LRRK2: variants seen among roughly 807,000 people sequenced by gnomAD.
LRRK2 encodes the protein leucine-rich repeat serine/threonine-protein kinase 2.
In LRRK2, 203 loss-of-function variants were observed where a neutral mutation model predicts 302.6. The observed-to-expected ratio is 0.67, with a 90% confidence interval of 0.60 to 0.75. The LOEUF is 0.75. Ranked by LOEUF, LRRK2 falls within the 30% of genes least tolerant of loss-of-function variation. LRRK2 has a pLI of 0.00. For missense variants in LRRK2, 2,830 were observed against 2,951.0 expected, an observed-to-expected ratio of 0.96 and a Z score of 0.95; for synonymous variants, 1,066 against 1,031.9, an observed-to-expected ratio of 1.03 and a Z score of -0.63.
chr12:40,317,432 C>A (rs1368938214), intron 33 of LRRK2, among the ~76,000 whole-genome samples: 3 of 152,042 alleles, frequency 2.0e-5, no homozygotes, highest in Non-Finnish European at 4.4e-5. Context: ...TAGGAGTATT[C>A]ACCTTCATGA....
chr12:40,248,335 C>A (rs1942100561), intron 7 of LRRK2, among the ~76,000 whole-genome samples: 1 of 152,104 alleles, frequency 6.6e-6, no homozygotes. Context: ...TCTAGAACAG[C>A]ACATTAAAGT....
At chr12:40,364,235 T>A (rs1946804926) in intron 48 of LRRK2, among the ~76,000 whole-genome samples, 1 of 152,018 alleles carries the variant, frequency 6.6e-6, no homozygotes, top group Non-Finnish European at 1.5e-5. Flanking sequence ...TTTCCTGTCT[T>A]AGATTCATCT....
intron 14 of LRRK2, among the ~76,000 whole-genome samples, chr12:40,266,707 G>A (rs1196651015): frequency 6.6e-6 from 1 of 152,126 alleles, no homozygotes; most frequent in Non-Finnish European, 1.5e-5. Flanking sequence ...GCACACCTAT[G>A]TTTATTGTGG....
At position 40,259,470 on chromosome 12, in the gene LRRK2, A is replaced by G. The variant is rs753212041; in HGVS notation, c.1419-10A>G. On this transcript the variant is annotated splice_polypyrimidine_tract_variant and intron_variant, in intron 12 of 50. Transcript: ENST00000298910. ...GTCTTTCAATAAGCATGCCAATTTT[A>G]TATCCCCAGCAACACTTCCCTGGAT... The G allele has an allele frequency of 1.9e-6, 3 of 1,612,978 alleles. No homozygotes were observed. The highest frequency in any genetic ancestry group is 2.5e-6 in the Non-Finnish European group (3 of 1,179,204).
In LRRK2 at chr12:40,310,461, G is replaced by C. The variant is rs111501952; in HGVS notation, c.4348G>C (p.Val1450Leu). ...CGCTTCTTCTTCCCCTGTGATTCTCGTTGGCACACATTTGGATGTTTCTGA... is the reference window on the plus strand; with the variant it reads ...CGCTTCTTCTTCCCCTGTGATTCTCCTTGGCACACATTTGGATGTTTCTGA... Reference protein sequence around the residue: ...ARASSSPVILVGTHLDVSDEK... With the variant: ...ARASSSPVILLGTHLDVSDEK... The change falls in exon 31 of 51, where the codon GTT (valine) becomes CTT (leucine). Residue 1450 changes from valine to leucine, a missense_variant. Val to Leu is a conservative substitution (Grantham distance 32, BLOSUM62 1). This residue lies in a region of LRRK2 where 2,121 missense variants were observed against 2,148.0 expected (regional missense o/e 0.99). Transcript: ENST00000298910. 1 of 1,612,826 alleles carries C rather than the reference G, an allele frequency of 6.2e-7. No homozygotes were observed. Among genetic ancestry groups the C allele is most frequent in the Non-Finnish European group, 8.5e-7 (1 of 1,179,706 alleles).
intron 30 of LRRK2, 56 bp downstream of exon 30, chr12:40,309,289 T>G: frequency 6.4e-7 from 1 of 1,553,684 alleles, no homozygotes; most frequent in East Asian, 2.3e-5. Context: ...TGTGTGCGTG[T>G]GTGTGTGTGT....
chr12:40,262,769 G>A (rs1942832611), intron 13 of LRRK2, among the ~76,000 whole-genome samples: 1 of 152,182 alleles, frequency 6.6e-6, no homozygotes, highest in Non-Finnish European at 1.5e-5. Flanking sequence ...ACTCAGGCCA[G>A]TTTTAGTGGT....
intron 3 of LRRK2, among the ~76,000 whole-genome samples, chr12:40,234,351 A>G (rs1449432263): frequency 1.7e-5 from 2 of 116,386 alleles, no homozygotes; most frequent in Non-Finnish European, 3.5e-5. Context: ...ACTAAACATT[A>G]TTGATATGCT....
chr12:40,232,396 G>C lies in LRRK2; in HGVS notation c.347+13G>C. 2 of 1,586,880 alleles carry C rather than the reference G, an allele frequency of 1.3e-6. No homozygotes were observed. Among genetic ancestry groups the C allele is most frequent in the Non-Finnish European group, 1.7e-6 (2 of 1,155,172 alleles). ...TTGGTGTTCACCAGTAAGTATGATA[G>C]ATATGTAAAACAAATGGCCTTGAGT... On this transcript the variant is annotated intron_variant, in intron 3 of 50. Transcript: ENST00000298910.
intron 29 of LRRK2, 76 bp downstream of exon 29, chr12:40,308,772 G>C (rs78493417): frequency 8.1e-5 from 109 of 1,340,858 alleles, no homozygotes; most frequent in Non-Finnish European, 1.1e-4. Flanking sequence ...TGAGCTTTCT[G>C]TTCTAATATC....
intron 18 of LRRK2, among the ~76,000 whole-genome samples, chr12:40,282,045 CT>C: frequency 2.4e-4 from 7 of 29,488 alleles, no homozygotes; most frequent in Non-Finnish European, 3.9e-4. Context: ...CTTCCCTTCC[CT>C]TCCCTTCCCT....
At chr12:40,274,258 G>T (rs572101539) in intron 14 of LRRK2, among the ~76,000 whole-genome samples, 11 of 152,274 alleles carry the variant, frequency 7.2e-5, no homozygotes, top group African/African-American at 2.6e-4. Flanking sequence ...TAGACTTTGA[G>T]AATAGTTCTC....
intron 28 of LRRK2, among the ~76,000 whole-genome samples, chr12:40,306,815 C>A (rs1944841908): frequency 6.6e-6 from 1 of 152,128 alleles, no homozygotes; most frequent in Admixed American, 6.6e-5. Flanking sequence ...TATTTAACTT[C>A]ATCTGTTTTT....
chr12:40,299,395 G>A (rs979757946), intron 25 of LRRK2, 138 bp downstream of exon 25: 34 of 953,346 alleles, frequency 3.6e-5, no homozygotes, highest in Non-Finnish European at 4.9e-5. Flanking sequence ...AATAAAATTA[G>A]CAGGTTGGCA....
intron 8 of LRRK2, among the ~76,000 whole-genome samples, chr12:40,250,401 T>A (rs2723262): frequency 0.97 from 147,680 of 152,232 alleles, 71,781 homozygotes; most frequent in Middle Eastern, 1. Flanking sequence ...GAGGCAGGAG[T>A]ATCGCTTGGA....
chr12:40,344,008 T>C (rs757375523), intron 41 of LRRK2, among the ~76,000 whole-genome samples: 1 of 152,184 alleles, frequency 6.6e-6, no homozygotes, highest in Non-Finnish European at 1.5e-5. Context: ...AGGAGAAGAT[T>C]AGAAGTTTAA....
intron 43 of LRRK2, among the ~76,000 whole-genome samples, chr12:40,349,836 C>T (rs1946301314): frequency 6.6e-6 from 1 of 152,210 alleles, no homozygotes; most frequent in South Asian, 2.1e-4. Flanking sequence ...CATGAATTCT[C>T]TCTGTTTACT....
intron 43 of LRRK2, among the ~76,000 whole-genome samples, chr12:40,351,027 C>T (rs1208106324): frequency 6.6e-6 from 1 of 152,132 alleles, no homozygotes; most frequent in African/African-American, 2.4e-5. Flanking sequence ...CATGTCACAG[C>T]TCTAATCCCA....
At chr12:40,231,390 C>CAAA (rs10631840) in intron 2 of LRRK2, among the ~76,000 whole-genome samples, 79,773 of 106,608 alleles carry the variant, frequency 0.75, 31,016 homozygotes, top group Non-Finnish European at 0.83. Flanking sequence ...CCTGTCTTCA[C>CAAA]AAAAAAAAAA....
Sources: gnomAD v4.1 joint callset for allele counts (sites outside exome capture counted in the v4.1 genomes callset) on GRCh38, gnomAD v4.1.1 for gene constraint, gnomAD v4.1.1 regional missense constraint, MANE v1.5 for transcripts, NCBI Gene and HGNC (gene_info 2026-07-23, HGNC 2026-07-21) for gene names.